The following ASIC2 variants were observed in gnomAD, a reference collection of about 807,000 sequenced individuals.
ASIC2 encodes acid-sensing ion channel 2.
Under a neutral mutation model 57.3 loss-of-function variants are expected in ASIC2, and 25 were observed. The observed-to-expected ratio is 0.44, with a 90% CI of 0.32 to 0.61. The LOEUF (loss-of-function observed/expected upper bound fraction) is 0.61, where lower values mean the gene tolerates loss of function less well. ASIC2 is among the 20% of genes least tolerant of loss of function. ASIC2 has a pLI of 0.06. For synonymous variants in ASIC2, 319 were observed against 307.5 expected (o/e 1.04, Z -0.39); for missense variants, 641 against 738.1 (o/e 0.87, Z 1.52).
At chr17:34,004,654 G>A (rs532955171) in intron 1 of ASIC2, 1 of 152,310 alleles carries the variant, frequency 6.6e-6, no homozygotes, top group African/African-American at 2.4e-5. Context: ...TGTTTAGTGA[G>A]AATAAGAACA....
intron 8 of ASIC2, among the ~76,000 whole-genome samples, chr17:33,017,084 G>A (rs530612788): frequency 2.0e-5 from 3 of 152,324 alleles, no homozygotes; most frequent in South Asian, 2.1e-4. Flanking sequence ...GGCGGCTGGC[G>A]TGCCCTGCTG....
chr17:33,175,462 TTG>T (rs1301842015), intron 1 of ASIC2, among the ~76,000 whole-genome samples: 2 of 144,624 alleles, frequency 1.4e-5, no homozygotes, highest in Non-Finnish European at 3.0e-5. Flanking sequence ...TGTTATTTTA[TTG>T]TTTTTTTTTT....
At chr17:33,118,956 T>C (rs939260699) in intron 1 of ASIC2, among the ~76,000 whole-genome samples, 1 of 152,132 alleles carries the variant, frequency 6.6e-6, no homozygotes, top group Non-Finnish European at 1.5e-5. Flanking sequence ...TTACAGAGTT[T>C]GGGAAATGCA....
chr17:33,210,957 A>G (rs766483917), intron 1 of ASIC2, among the ~76,000 whole-genome samples: 12 of 152,232 alleles, frequency 7.9e-5, no homozygotes, highest in Admixed American at 2.0e-4. Flanking sequence ...GACCAGGAAG[A>G]CAGACATTTG....
At chr17:33,724,752 C>A (rs1490688798) in intron 1 of ASIC2, among the ~76,000 whole-genome samples, 1 of 151,880 alleles carries the variant, frequency 6.6e-6, no homozygotes, top group Admixed American at 6.6e-5. Context: ...CATTAAACAC[C>A]CAATGAAATG....
intron 1 of ASIC2, among the ~76,000 whole-genome samples, chr17:33,486,868 G>A (rs1165345843): frequency 1.3e-5 from 2 of 152,174 alleles, no homozygotes; most frequent in Non-Finnish European, 2.9e-5. Context: ...GAACCACCAA[G>A]TGAGAAGGAC....
chr17:33,204,663 G>A (rs1304407479), intron 1 of ASIC2, among the ~76,000 whole-genome samples: 2 of 152,216 alleles, frequency 1.3e-5, no homozygotes, highest in African/African-American at 4.8e-5. Flanking sequence ...ACATGAGCAT[G>A]TGACCCAAGT....
intron 1 of ASIC2, among the ~76,000 whole-genome samples, chr17:33,229,509 C>T (rs575937121): frequency 1.3e-5 from 2 of 152,094 alleles, no homozygotes; most frequent in South Asian, 4.1e-4. Context: ...TCTTGGGCAA[C>T]ATTTCAGGGA....
intron 1 of ASIC2, among the ~76,000 whole-genome samples, chr17:33,226,687 A>G (rs1455414827): frequency 6.6e-6 from 1 of 152,218 alleles, no homozygotes; most frequent in African/African-American, 2.4e-5. Flanking sequence ...GTTAGTGCTC[A>G]ATAAATTCTC....
intron 1 of ASIC2, among the ~76,000 whole-genome samples, chr17:33,437,216 A>G (rs1281729139): frequency 6.6e-6 from 1 of 151,750 alleles, no homozygotes; most frequent in South Asian, 2.1e-4. Context: ...GCAAGATCAT[A>G]GCTCACTGCA....
At chr17:33,590,707 C>A (rs2142004602) in intron 1 of ASIC2, among the ~76,000 whole-genome samples, 1 of 152,316 alleles carries the variant, frequency 6.6e-6, no homozygotes, top group Middle Eastern at 3.4e-3. Flanking sequence ...TCTCTCCTGA[C>A]ACCAAAGTCT....
Position 33,231,086 on chromosome 17 carries a change from TGA to T in ASIC2, c.708+60320_708+60321del, listed in dbSNP as rs1169674701. On this transcript the variant is annotated intron_variant, in intron 1 of 9. Coordinates refer to ENST00000225823, the MANE Select transcript of ASIC2 (RefSeq NM_183377.2). ...CAGGGCTCTCTTGTCCTTAGGGAGC[TGA>T]GCATCGAGGTGCAAAGAGCTGGACA... is the stretch of plus-strand genomic sequence containing the variant. 2.0e-5 allele frequency among the ~76,000 whole-genome samples: 3 copies of T among 152,150 alleles called. No individual in the cohort carries two copies. In the East Asian group the frequency reaches 5.8e-4, roughly 29 times the overall value.
chr17:33,315,191 T>C (rs892388697), intron 1 of ASIC2, among the ~76,000 whole-genome samples: 1 of 152,230 alleles, frequency 6.6e-6, no homozygotes, highest in Admixed American at 6.5e-5. Context: ...CAACAGTGTC[T>C]GGTATCTAGT....
intron 1 of ASIC2, among the ~76,000 whole-genome samples, chr17:33,411,386 A>T (rs1010604540): frequency 6.6e-6 from 1 of 152,212 alleles, no homozygotes; most frequent in African/African-American, 2.4e-5. Context: ...TATCATTGCA[A>T]CTCAGGCCAG....
chr17:33,090,421 G>A (rs1335551939), intron 2 of ASIC2, among the ~76,000 whole-genome samples: 1 of 152,232 alleles, frequency 6.6e-6, no homozygotes, highest in Non-Finnish European at 1.5e-5. Flanking sequence ...CATACACCAG[G>A]CACTCAGGAG....
chr17:33,038,400 G>T (rs1241276750), intron 3 of ASIC2, among the ~76,000 whole-genome samples: 5 of 152,214 alleles, frequency 3.3e-5, no homozygotes, highest in African/African-American at 1.2e-4. Flanking sequence ...AGACATCCAA[G>T]TCAAGATGTT....
At chr17:33,491,686 G>T (rs183285705) in intron 1 of ASIC2, among the ~76,000 whole-genome samples, 1 of 152,150 alleles carries the variant, frequency 6.6e-6, no homozygotes, top group Non-Finnish European at 1.5e-5. Flanking sequence ...TTGGCTGAAC[G>T]ATCTCATCCC....
chr17:33,390,454 C>T (rs888788289), intron 1 of ASIC2, among the ~76,000 whole-genome samples: 3 of 152,144 alleles, frequency 2.0e-5, no homozygotes, highest in Non-Finnish European at 2.9e-5. Context: ...CAACAAATAG[C>T]CCCAAAATTT....
rs149667177 is a variant in ASIC2 at position 33,110,149 on chromosome 17, T to A, written c.859+1768A>T. The stretch of plus-strand genomic sequence containing the variant: ...GTCATGGAGGGACATAACTAACTTC[T>A]GTTTAGGCTTTGAGTGTGGGGTCTC... On this transcript the variant is annotated intron_variant, in intron 2 of 9. Coordinates refer to ENST00000225823, the MANE Select transcript of ASIC2 (RefSeq NM_183377.2). 1.3e-4 allele frequency among the ~76,000 whole-genome samples: 20 copies of A among 152,366 alleles called. No homozygotes were observed. In the East Asian group the frequency reaches 3.5e-3, roughly 26 times the overall value.
Sources: allele counts gnomAD v4.1 joint callset (sites outside exome capture counted in the v4.1 genomes callset), GRCh38; gene constraint gnomAD v4.1.1; transcripts MANE v1.5; gene names NCBI Gene and HGNC (gene_info 2026-07-23, HGNC 2026-07-21).